Variants in NCBP3 observed in about 807,000 individuals in gnomAD.
NCBP3 encodes nuclear cap binding subunit 3.
A neutral mutation model predicts 75.7 loss-of-function variants in NCBP3; 20 were observed. The observed-to-expected ratio is 0.26, with a 90% confidence interval of 0.19 to 0.38. NCBP3 has a LOEUF of 0.38. Ranked by LOEUF, NCBP3 falls within the 10% of genes least tolerant of loss-of-function variation. The pLI, the probability that NCBP3 is intolerant of heterozygous loss-of-function variation, is 1.00. For synonymous variants in NCBP3, 293 were observed against 290.5 expected, an observed-to-expected ratio of 1.01 and a Z score of -0.09; for missense variants, 678 against 796.9, an observed-to-expected ratio of 0.85 and a Z score of 1.80.
At chr17:3,827,357 C>A (rs2053807124) in intron 4 of NCBP3, among the ~76,000 whole-genome samples, 1 of 152,182 alleles carries the variant, frequency 6.6e-6, no homozygotes, top group Admixed American at 6.5e-5. Flanking sequence ...TACAGGGAAG[C>A]CCTTTGCTGC....
At position 3,808,680 on chromosome 17, in the gene NCBP3, G is replaced by C. The variant is rs2053362380; in HGVS notation, c.*4364C>G. 6.6e-6 allele frequency: 1 copy of C among 152,256 alleles called. No homozygotes were observed. The highest frequency in any genetic ancestry group is 1.5e-5 in the Non-Finnish European group (1 of 68,120). The allele number at this position is 152,256 out of a possible 1,614,324, so 9.4% of individuals were successfully genotyped here. A position where few individuals can be genotyped will look rare whatever the true frequency, so the allele number is the denominator to read the frequency against. ...AGAACAGGCCAGGGATACTGCCAGA[G>C]GATAGACCTTGGTGAGCCTCATAAC... On this transcript the variant is annotated 3_prime_UTR_variant, in exon 13 of 13. Transcript: ENST00000389005.
rs143082688 is a variant in NCBP3, at chr17:3,813,207, G to A, written c.1700C>T (p.Ala567Val). 20 of 1,614,108 alleles carry A rather than the reference G, an allele frequency of 1.2e-5. No individual in the cohort carries two copies. Among genetic ancestry groups the A allele is most frequent in the African/African-American group, 9.3e-5 (7 of 74,934 alleles). The change falls in exon 13 of 13, where the codon GCG (alanine) becomes GTG (valine). Residue 567 changes from alanine to valine, a missense_variant. Around this residue, in one of 7 missense-constraint regions of NCBP3, gnomAD observed 365 missense variants for 392.7 expected, o/e 0.93. Transcript: ENST00000389005. ...EKNTKKVDHR[A>V]PGAEEDDSEL... is the part of the protein sequence containing the mutation. Reference sequence around the variant, plus strand: ...AGAGTCGTCTTCCTCAGCGCCAGGCGCCCTGTGATCCACTTTCTTCGTATT... The same window carrying A: ...AGAGTCGTCTTCCTCAGCGCCAGGCACCCTGTGATCCACTTTCTTCGTATT...
rs1555530125 is a variant in NCBP3, at chr17:3,806,086, C to CTTTCTTTTTTTT, written c.*6957_*6958insAAAAAAAAGAAA. On this transcript the variant is annotated 3_prime_UTR_variant, in exon 13 of 13. Transcript: ENST00000389005. ...AGGGACAGGAAGGTGAGAATCCTTT[C>CTTTCTTTTTTTT]TTTTTTTTTTGAGACGGAGTCTCGC... 6.7e-6 allele frequency: 1 copy of CTTTCTTTTTTTT among 148,514 alleles called. No homozygotes were observed. The allele number at this position is 148,514 out of a possible 1,614,324, so 9.2% of individuals were successfully genotyped here. A position where few individuals can be genotyped will look rare whatever the true frequency, so the allele number is the denominator to read the frequency against.
chr17:3,819,993 C>T (rs2053632427), intron 9 of NCBP3, among the ~76,000 whole-genome samples: 1 of 152,172 alleles, frequency 6.6e-6, no homozygotes, highest in Non-Finnish European at 1.5e-5. Context: ...TGCTCTGTCG[C>T]CCAGGTTGGA....
At chr17:3,819,227 A>G (rs2143651486) in intron 9 of NCBP3, among the ~76,000 whole-genome samples, 1 of 152,320 alleles carries the variant, frequency 6.6e-6, no homozygotes, top group African/African-American at 2.4e-5. Flanking sequence ...CTCAATGTTA[A>G]CGAATCAACA....
intron 2 of NCBP3, among the ~76,000 whole-genome samples, 153 bp downstream of exon 2, chr17:3,842,933 C>T (rs570892221): frequency 1.3e-5 from 2 of 152,126 alleles, no homozygotes; most frequent in African/African-American, 2.4e-5. Context: ...CATGAGCCAG[C>T]GTGCCTGGCC....
rs538273520 is a variant in NCBP3 at position 3,826,695 on chromosome 17, A to G, written c.482-480T>C. 6.2e-5 allele frequency among the ~76,000 whole-genome samples: 9 copies of G among 146,084 alleles called. No individual in the cohort carries two copies. The South Asian group carries it at 1.9e-3, about 31-fold the overall frequency. On this transcript the variant is annotated intron_variant, in intron 4 of 12. Coordinates refer to ENST00000389005, the MANE Select transcript of NCBP3 (RefSeq NM_001114118.3). ...AAGAAAGAGAAAGAGAGACAGAAAG[A>G]GAAGGAAGGAAGGAAGGAAGGAAGG...
Position 3,829,178 on chromosome 17 carries a change from G to A in NCBP3, c.481+65C>T, listed in dbSNP as rs934569080. On this transcript the variant is annotated intron_variant, in intron 4 of 12. Coordinates refer to ENST00000389005, the MANE Select transcript of NCBP3 (RefSeq NM_001114118.3). ...TGGGCCAGAACCATTCACCATCTCT[G>A]ATGGCAAGAACTCTTGAAAAATCAT... 4.6e-6 allele frequency: 7 copies of A among 1,526,236 alleles called. No individual in the cohort carries two copies. The African/African-American group carries it at 9.7e-5, about 21-fold the overall frequency. The allele number at this position is 1,526,236 out of a possible 1,614,324, so 94.5% of individuals were successfully genotyped here. A position where few individuals can be genotyped will look rare whatever the true frequency, so the allele number is the denominator to read the frequency against.
intron 3 of NCBP3, among the ~76,000 whole-genome samples, chr17:3,833,854 A>G (rs894883069): frequency 2.6e-5 from 4 of 152,112 alleles, no homozygotes; most frequent in African/African-American, 9.7e-5. Flanking sequence ...TGTCAGATCA[A>G]TAAGTCTCCC....
Position 3,821,367 on chromosome 17 carries a change from A to G in NCBP3, c.897-15T>C. 2 of 1,597,952 alleles carry G rather than the reference A, an allele frequency of 1.3e-6. No individual in the cohort carries two copies. Among genetic ancestry groups the G allele is most frequent in the Non-Finnish European group, 8.6e-7 (1 of 1,165,504 alleles). The stretch of plus-strand genomic sequence containing the variant: ...ATCTTCGCTTCCTGCAAGAATGCCA[A>G]AATAAGCACACAATCAAAAACTGAT... On this transcript the variant is annotated splice_polypyrimidine_tract_variant and intron_variant, in intron 8 of 12. Coordinates refer to ENST00000389005, the MANE Select transcript of NCBP3 (RefSeq NM_001114118.3).
intron 7 of NCBP3, 47 bp downstream of exon 7, chr17:3,824,895 A>T: frequency 9.1e-7 from 1 of 1,098,196 alleles, no homozygotes; most frequent in Non-Finnish European, 1.3e-6. Context: ...CTCCATAATA[A>T]ATCATTTTGA....
chr17:3,827,340 C>T (rs76641326), intron 4 of NCBP3, among the ~76,000 whole-genome samples: 4,491 of 152,258 alleles, frequency 0.029, 245 homozygotes, highest in African/African-American at 0.1. Flanking sequence ...TTTACACTAC[C>T]GCCCCCTACA....
chr17:3,835,848 C>T lies in NCBP3; in HGVS notation c.355+4252G>A, dbSNP rs1317970315. ...GTAGCGAGTCACTCTTGATGCAGGA[C>T]AGTCCAGTGTGCCACAGCCCAAACT... On this transcript the variant is annotated intron_variant, in intron 3 of 12. Coordinates refer to ENST00000389005, the MANE Select transcript of NCBP3 (RefSeq NM_001114118.3). 1.3e-4 allele frequency among the ~76,000 whole-genome samples: 20 copies of T among 152,244 alleles called. No individual in the cohort carries two copies. In the East Asian group the frequency reaches 1.7e-3, roughly 13 times the overall value.
Position 3,846,148 on chromosome 17 carries a change from G to T in NCBP3, c.76C>A (p.Pro26Thr), listed in dbSNP as rs1470929726. Residue 26 changes from proline (P) to threonine (T), a missense_variant, in exon 1 of 13, where the codon CCT (proline) becomes ACT (threonine). Transcript: ENST00000389005. This position sits in a 1 kb window ranked among gnomAD's most constrained non-coding sequence, Gnocchi z 4.6. ...PAGPALGLPS[P>T]EAESGVDRGE... ...CGGTCAACACCGGACTCCGCCTCAGGGGACGGGAGCCCCAGGGCCGGCCCC... is the reference window on the plus strand; with the variant it reads ...CGGTCAACACCGGACTCCGCCTCAGTGGACGGGAGCCCCAGGGCCGGCCCC... 6.5e-7 allele frequency: 1 copy of T among 1,539,010 alleles called. No individual in the cohort carries two copies. Among genetic ancestry groups the T allele is most frequent in the South Asian group, 1.2e-5 (1 of 83,652 alleles).
Position 3,808,558 on chromosome 17 carries a change from T to G in NCBP3, c.*4486A>C, listed in dbSNP as rs1002381997. 6.6e-6 allele frequency: 1 copy of G among 152,146 alleles called. No individual in the cohort carries two copies. The highest frequency in any genetic ancestry group is 1.5e-5 in the Non-Finnish European group (1 of 68,050). 9.4% of individuals were successfully genotyped at this position (152,146 alleles called of 1,614,324 possible). On this transcript the variant is annotated 3_prime_UTR_variant, in exon 13 of 13. Transcript: ENST00000389005. ...GGGGAGAAGCCTGGGCGGAAGCATGTCACTGGAGGTAGAAACAGCTCTGTG... is the reference window on the plus strand; with the variant it reads ...GGGGAGAAGCCTGGGCGGAAGCATGGCACTGGAGGTAGAAACAGCTCTGTG...
At chr17:3,834,242 T>C (rs193135485) in intron 3 of NCBP3, among the ~76,000 whole-genome samples, 92 of 152,140 alleles carry the variant, frequency 6.0e-4, no homozygotes, top group African/African-American at 1.8e-3. Flanking sequence ...ATGCTGACCA[T>C]AGACTGTCCA....
intron 3 of NCBP3, among the ~76,000 whole-genome samples, chr17:3,831,464 T>C (rs184502959): frequency 2.0e-5 from 3 of 149,338 alleles, no homozygotes; most frequent in African/African-American, 7.3e-5. Context: ...TCCCAGCTAC[T>C]TGGGAGGCCG....
At chr17:3,825,879 T>A in intron 5 of NCBP3, 36 bp from the exon 6 acceptor site, 1 of 1,507,266 alleles carries the variant, frequency 6.6e-7, no homozygotes. Flanking sequence ...TGAAACAAGA[T>A]AAAATATTTC....
chr17:3,814,399 G>A lies in NCBP3; in HGVS notation c.1550C>T (p.Ser517Phe). 1 of 1,614,216 alleles carries A rather than the reference G, an allele frequency of 6.2e-7. No homozygotes were observed. The highest frequency in any genetic ancestry group is 8.5e-7 in the Non-Finnish European group (1 of 1,180,038). ...SNPVVRREPSSDVHSRLGVPR... is the reference protein window; with the variant it reads ...SNPVVRREPSFDVHSRLGVPR... Reference sequence around the variant, plus strand: ...AACACCTAGCCTACTATGCACATCAGAAGAGGGCTCTCTCCGAACGACGGG... The same window carrying A: ...AACACCTAGCCTACTATGCACATCAAAAGAGGGCTCTCTCCGAACGACGGG... Residue 517 changes from serine to phenylalanine, a missense_variant, in exon 12 of 13, where the codon TCT becomes TTT. This residue lies in a region of NCBP3 where 365 missense variants were observed against 392.7 expected (regional missense o/e 0.93). Transcript: ENST00000389005.
Sources: allele counts gnomAD v4.1 joint callset (sites outside exome capture counted in the v4.1 genomes callset), GRCh38; gene constraint gnomAD v4.1.1; regional missense constraint gnomAD v4.1.1; non-coding constraint Gnocchi (gnomAD v3.1); transcripts MANE v1.5; gene names NCBI Gene and HGNC (gene_info 2026-07-23, HGNC 2026-07-21).